The following GRXCR2 variants were observed in gnomAD, a reference collection of about 807,000 sequenced individuals.
GRXCR2 encodes glutaredoxin and cysteine rich domain containing 2.
GRXCR2 carries 23 observed loss-of-function variants against 24.8 expected under a neutral mutation model. The observed-to-expected ratio is 0.93, with a 90% confidence interval of 0.67 to 1.32. GRXCR2 has a LOEUF of 1.32. GRXCR2 is among the 40% of genes most tolerant of loss of function. GRXCR2 has a pLI of 0.00. For missense variants in GRXCR2, 315 were observed against 303.4 expected, an observed-to-expected ratio of 1.04 and a Z score of -0.28; for synonymous variants, 130 against 116.1, an observed-to-expected ratio of 1.12 and a Z score of -0.77.
chr5:145,866,696 G>T lies in GRXCR2; in HGVS notation c.369C>A (p.Ile123=). 1 of 1,612,396 alleles carries T rather than the reference G, an allele frequency of 6.2e-7. No homozygotes were observed. Among genetic ancestry groups the T allele is most frequent in the South Asian group, 1.1e-5 (1 of 91,006 alleles). ...TGATTTTCAGGTTATTAGTGTAGATGATTATCTTTCCAAAATCTATAATAG... is the reference window on the plus strand; with the variant it reads ...TGATTTTCAGGTTATTAGTGTAGATTATTATCTTTCCAAAATCTATAATAG... ...PLPIIDFGKI[I]IYTNNLKIIR... Residue 123 remains isoleucine, a synonymous_variant, in exon 2 of 3, where the codon ATC becomes ATA. Coordinates refer to ENST00000377976, the MANE Select transcript of GRXCR2 (RefSeq NM_001080516.2).
intron 2 of GRXCR2, among the ~76,000 whole-genome samples, chr5:145,908,048 C>T (rs1757114769): frequency 6.6e-6 from 1 of 152,130 alleles, no homozygotes; most frequent in South Asian, 2.1e-4. Flanking sequence ...GAGGAAGCTC[C>T]AGCCTTACCA....
upstream of GRXCR2, among the ~76,000 whole-genome samples, chr5:145,876,208 TATATATATAC>T (rs1284897789): frequency 2.9e-3 from 406 of 141,316 alleles, 2 homozygotes; most frequent in African/African-American, 0.01. Context: ...TATATATATA[TATATATATAC>T]ACACACACAC....
At position 145,866,598 on chromosome 5, in the gene GRXCR2, G is replaced by C. The variant is rs1399705334; in HGVS notation, c.467C>G (p.Ser156Cys). 1.2e-6 allele frequency: 2 copies of C among 1,614,056 alleles called. No individual in the cohort carries two copies. The highest frequency in any genetic ancestry group is 2.2e-5 in the South Asian group (2 of 91,072). ...ATAGCTTTCTTCTTTGTTCATCAGAGACTCTTCCTCAGCCTCCTCTTCCTT... is the reference window on the plus strand; with the variant it reads ...ATAGCTTTCTTCTTTGTTCATCAGACACTCTTCCTCAGCCTCCTCTTCCTT... Reference protein sequence around the residue: ...LQKEEEAEEESLMNKEESYGG... With the variant: ...LQKEEEAEEECLMNKEESYGG... Residue 156 changes from serine (S) to cysteine (C), a missense_variant, in exon 2 of 3, where the codon TCT becomes TGT. Physicochemically the swap from Ser to Cys is moderately radical, Grantham distance 112. Transcript: ENST00000377976.
intron 2 of GRXCR2, among the ~76,000 whole-genome samples, chr5:145,878,519 C>T (rs1052149714): frequency 6.6e-6 from 1 of 152,032 alleles, no homozygotes; most frequent in Non-Finnish European, 1.5e-5. Flanking sequence ...AAGAAATGAA[C>T]AAAGCCTCCG....
intron 2 of GRXCR2, among the ~76,000 whole-genome samples, chr5:145,919,794 G>A (rs1341393099): frequency 6.6e-6 from 1 of 152,172 alleles, no homozygotes; most frequent in African/African-American, 2.4e-5. Flanking sequence ...CCTGGGGAGG[G>A]CAGGACCAAA....
In GRXCR2 at chr5:145,866,318, T is replaced by C. The variant is rs539081980; in HGVS notation, c.564+183A>G. On this transcript the variant is annotated intron_variant, in intron 2 of 2. Coordinates refer to ENST00000377976, the MANE Select transcript of GRXCR2 (RefSeq NM_001080516.2). Reference sequence around the variant, plus strand: ...AGTATCTGAAATATGGACTTATAACTGCTATTGCTAACAATGTACCATTAA... The same window carrying C: ...AGTATCTGAAATATGGACTTATAACCGCTATTGCTAACAATGTACCATTAA... 3.9e-5 allele frequency among the ~76,000 whole-genome samples: 6 copies of C among 152,348 alleles called. No homozygotes were observed. In the South Asian group the frequency reaches 1.2e-3, roughly 32 times the overall value.
intron 2 of GRXCR2, among the ~76,000 whole-genome samples, chr5:145,860,472 A>T (rs1437792968): frequency 6.6e-6 from 1 of 152,182 alleles, no homozygotes; most frequent in Non-Finnish European, 1.5e-5. Context: ...CAGCGATTTG[A>T]GCACCAGAAT....
At chr5:145,919,264 G>A (rs1757285048) in intron 2 of GRXCR2, among the ~76,000 whole-genome samples, 1 of 152,182 alleles carries the variant, frequency 6.6e-6, no homozygotes, top group African/African-American at 2.4e-5. Context: ...AAAAGTGACA[G>A]CCCTGGGAGG....
intron 2 of GRXCR2, among the ~76,000 whole-genome samples, chr5:145,917,196 C>T (rs980399612): frequency 2.0e-5 from 3 of 151,672 alleles, no homozygotes; most frequent in Admixed American, 6.6e-5. Context: ...TACTCCCACT[C>T]GCCCCCCGAG....
intron 2 of GRXCR2, among the ~76,000 whole-genome samples, chr5:145,878,058 C>A (rs555186836): frequency 6.6e-6 from 1 of 152,256 alleles, no homozygotes; most frequent in South Asian, 2.1e-4. Context: ...ACATCAAAGA[C>A]CAAAGGTAGA....
rs186621223 is a variant in GRXCR2, at chr5:145,872,031, A to G, written c.336+602T>C. ...ATTCATAGATTAAACACATTCTTCA[A>G]TCGAACCATTAGCTCAAACTTCTTC... is the stretch of plus-strand genomic sequence containing the variant. On this transcript the variant is annotated intron_variant, in intron 1 of 2. Transcript: ENST00000377976. 2.2e-3 allele frequency among the ~76,000 whole-genome samples: 330 copies of G among 152,296 alleles called. 2 individuals are homozygous for G. Among genetic ancestry groups the G allele is most frequent in the African/African-American group, 7.4e-3 (309 of 41,558 alleles).
chr5:145,887,179 T>C (rs340040), intron 2 of GRXCR2, among the ~76,000 whole-genome samples: 15,536 of 152,266 alleles, frequency 0.1, 1,693 homozygotes, highest in African/African-American at 0.28. Flanking sequence ...CACTTGCAGC[T>C]CTGAACTCCT....
intron 2 of GRXCR2, among the ~76,000 whole-genome samples, chr5:145,901,321 C>A (rs1757020157): frequency 6.6e-6 from 1 of 151,832 alleles, no homozygotes; most frequent in South Asian, 2.1e-4. Context: ...AAAAAAAAGT[C>A]TTGAAGAGTT....
intron 2 of GRXCR2, among the ~76,000 whole-genome samples, chr5:145,919,417 A>C (rs1757291362): frequency 2.0e-5 from 3 of 152,196 alleles, no homozygotes; most frequent in African/African-American, 7.2e-5. Context: ...CTTTCAATTT[A>C]CATAAGAAAA....
At chr5:145,903,647 G>A (rs761820789) in intron 2 of GRXCR2, among the ~76,000 whole-genome samples, 7 of 152,150 alleles carry the variant, frequency 4.6e-5, no homozygotes, top group Non-Finnish European at 8.8e-5. Context: ...ATGGGTTTGA[G>A]TAAATAAACT....
Position 145,859,546 on chromosome 5 carries a change from T to A in GRXCR2, c.*187A>T, listed in dbSNP as rs1290291616. The stretch of plus-strand genomic sequence containing the variant: ...ATAATTCAGAAATGCCCCTGCCACT[T>A]AGACCCACAGAGAGATGTTACCGGC... On this transcript the variant is annotated 3_prime_UTR_variant, in exon 3 of 3. Coordinates refer to ENST00000377976, the MANE Select transcript of GRXCR2 (RefSeq NM_001080516.2). The A allele has an allele frequency of 1.3e-5, 8 of 611,638 alleles. No individual in the cohort carries two copies. The highest frequency in any genetic ancestry group is 3.0e-5 in the Admixed American group (1 of 33,778). The allele number at this position is 611,638 out of a possible 1,614,324, so 37.9% of individuals were successfully genotyped here.
At chr5:145,894,473 T>C (rs1756918796) in intron 2 of GRXCR2, among the ~76,000 whole-genome samples, 1 of 152,098 alleles carries the variant, frequency 6.6e-6, no homozygotes, top group Non-Finnish European at 1.5e-5. Context: ...CCCACAGAAA[T>C]ACAAACTACC....
At chr5:145,928,294 C>T (rs1319918880) in intron 2 of GRXCR2, among the ~76,000 whole-genome samples, 3 of 152,152 alleles carry the variant, frequency 2.0e-5, no homozygotes, top group East Asian at 1.9e-4. Context: ...AACACTTTTA[C>T]ACTGTTGGTG....
chr5:145,917,523 C>T (rs192330944), intron 2 of GRXCR2, among the ~76,000 whole-genome samples: 259 of 152,252 alleles, frequency 1.7e-3, no homozygotes, highest in Non-Finnish European at 3.0e-3. Flanking sequence ...AGGTCCTGTG[C>T]TCAGTGCTGG....
Sources: allele counts gnomAD v4.1 joint callset (sites outside exome capture counted in the v4.1 genomes callset), GRCh38; gene constraint gnomAD v4.1.1; transcripts MANE v1.5; gene names NCBI Gene and HGNC (gene_info 2026-07-23, HGNC 2026-07-21).